The following SLC24A2 variants were observed in gnomAD, a reference collection of about 807,000 sequenced individuals.
SLC24A2 encodes solute carrier family 24 member 2.
Under a neutral mutation model 62.0 loss-of-function variants are expected in SLC24A2, and 36 were observed. The ratio of observed to expected loss-of-function variants is 0.58; its 90% CI spans 0.44 to 0.77. The LOEUF (loss-of-function observed/expected upper bound fraction) is 0.77. Ranked by LOEUF, SLC24A2 falls within the 30% of genes least tolerant of loss-of-function variation. The pLI, the probability that SLC24A2 is intolerant of heterozygous loss-of-function variation, is 0.00. For synonymous variants in SLC24A2, 358 were observed against 294.0 expected, an observed-to-expected ratio of 1.22 and a Z score of -2.23; for missense variants, 846 against 817.9, an observed-to-expected ratio of 1.03 and a Z score of -0.42.
chr9:19,778,836 C>A (rs1343355519), intron 2 of SLC24A2, among the ~76,000 whole-genome samples: 1 of 152,036 alleles, frequency 6.6e-6, no homozygotes, highest in Non-Finnish European at 1.5e-5. Flanking sequence ...ACTAGACCCA[C>A]AAAGATATTG....
chr9:20,260,021 T>C, the SLC24A2 span, among the ~76,000 whole-genome samples: 1 of 152,176 alleles, frequency 6.6e-6, no homozygotes, highest in South Asian at 2.1e-4. Context: ...AGGTTGAGGC[T>C]GCAGTGAGCC....
the SLC24A2 span, among the ~76,000 whole-genome samples, chr9:20,041,334 AAAG>A: frequency 1.3e-5 from 2 of 152,254 alleles, no homozygotes; most frequent in East Asian, 3.8e-4. Flanking sequence ...TCCTCCAAGC[AAAG>A]AAGAAAAGGC....
chr9:19,969,857 G>A, the SLC24A2 span, among the ~76,000 whole-genome samples: 1 of 152,176 alleles, frequency 6.6e-6, no homozygotes, highest in South Asian at 2.1e-4. Context: ...TAACAAAAGG[G>A]ATGAAGACTG....
At chr9:19,823,463 T>G in the SLC24A2 span, among the ~76,000 whole-genome samples, 17 of 152,158 alleles carry the variant, frequency 1.1e-4, no homozygotes, top group East Asian at 2.3e-3. Flanking sequence ...GTATAATGCT[T>G]AATCAAAAAT....
the SLC24A2 span, among the ~76,000 whole-genome samples, chr9:20,112,179 A>T: frequency 9.2e-5 from 14 of 152,210 alleles, no homozygotes; most frequent in African/African-American, 3.4e-4. Context: ...AGTTTGGGAC[A>T]CAGAATGAAG....
intron 4 of SLC24A2, among the ~76,000 whole-genome samples, chr9:19,597,993 C>G (rs1885218): frequency 0.92 from 140,600 of 152,202 alleles, 65,088 homozygotes; most frequent in East Asian, 1. Flanking sequence ...TCTGTGTACA[C>G]ATCATCAATG....
At chr9:19,957,471 G>A in the SLC24A2 span, 1 of 152,250 alleles carries the variant, frequency 6.6e-6, no homozygotes, top group Non-Finnish European at 1.5e-5. Flanking sequence ...TGGCTTGAAG[G>A]TTGCTGGATT....
chr9:20,215,926 T>TTA, the SLC24A2 span, among the ~76,000 whole-genome samples: 1 of 152,178 alleles, frequency 6.6e-6, no homozygotes. Context: ...CCTGAGGTCT[T>TTA]ACTGTACAGC....
chr9:20,119,104 C>T, the SLC24A2 span, among the ~76,000 whole-genome samples: 1 of 152,134 alleles, frequency 6.6e-6, no homozygotes, highest in African/African-American at 2.4e-5. Context: ...CAACAGCCAG[C>T]AAGAAGCTAA....
chr9:20,175,702 A>C, the SLC24A2 span, among the ~76,000 whole-genome samples: 3 of 152,076 alleles, frequency 2.0e-5, no homozygotes, highest in Non-Finnish European at 4.4e-5. Context: ...TTTTAGGAGA[A>C]AGAAGACTCT....
the SLC24A2 span, among the ~76,000 whole-genome samples, chr9:20,138,836 G>C: frequency 2.6e-5 from 4 of 152,184 alleles, no homozygotes; most frequent in East Asian, 7.7e-4. Flanking sequence ...CAGTAGATGA[G>C]GCTCAAGTTC....
chr9:20,152,206 G>A, the SLC24A2 span, among the ~76,000 whole-genome samples: 33 of 152,010 alleles, frequency 2.2e-4, 1 homozygote, highest in Admixed American at 4.6e-4. Context: ...AATATTATAT[G>A]AAGAGGGAGA....
chr9:19,888,418 C>T, the SLC24A2 span, among the ~76,000 whole-genome samples: 39 of 152,220 alleles, frequency 2.6e-4, no homozygotes, highest in South Asian at 7.1e-3. Context: ...GAAGAGTATG[C>T]ACCAAGCAAC....
chr9:19,938,442 C>T, the SLC24A2 span, among the ~76,000 whole-genome samples: 4 of 152,244 alleles, frequency 2.6e-5, no homozygotes, highest in Non-Finnish European at 5.9e-5. Context: ...AATACTGTGA[C>T]ACTTCCTTTC....
the SLC24A2 span, among the ~76,000 whole-genome samples, chr9:20,083,511 C>T: frequency 6.6e-6 from 1 of 152,214 alleles, no homozygotes; most frequent in Non-Finnish European, 1.5e-5. Flanking sequence ...TCGATCCCAA[C>T]AATGTGGCCT....
chr9:20,021,923 T>G, the SLC24A2 span, among the ~76,000 whole-genome samples: 1 of 152,150 alleles, frequency 6.6e-6, no homozygotes, highest in South Asian at 2.1e-4. Context: ...TTGGTTAAAC[T>G]CCTGCCATGA....
the SLC24A2 span, among the ~76,000 whole-genome samples, chr9:19,949,488 G>T: frequency 6.6e-6 from 1 of 152,214 alleles, no homozygotes; most frequent in Admixed American, 6.5e-5. Flanking sequence ...AGTCTACTGT[G>T]TTGGAGACTG....
At chr9:20,250,612 C>T in the SLC24A2 span, among the ~76,000 whole-genome samples, 2 of 152,150 alleles carry the variant, frequency 1.3e-5, no homozygotes, top group African/African-American at 4.8e-5. Flanking sequence ...TACCCATGCA[C>T]GCCTCATGTG....
the SLC24A2 span, among the ~76,000 whole-genome samples, chr9:20,234,745 C>T: frequency 6.6e-6 from 1 of 152,240 alleles, no homozygotes; most frequent in Non-Finnish European, 1.5e-5. Context: ...CATTCTCCAT[C>T]CAGCTTTGCT....
Sources: gnomAD v4.1 joint callset for allele counts (sites outside exome capture counted in the v4.1 genomes callset) on GRCh38, gnomAD v4.1.1 for gene constraint, MANE v1.5 for transcripts, NCBI Gene and HGNC (gene_info 2026-07-23, HGNC 2026-07-21) for gene names.